Variants in GPR89B observed in about 807,000 individuals in gnomAD.
GPR89B encodes G protein-coupled receptor 89B.
Under a neutral mutation model 52.4 loss-of-function variants are expected in GPR89B, and 25 were observed. That is an observed-to-expected ratio of 0.48 (90% CI 0.35 to 0.67). The LOEUF (loss-of-function observed/expected upper bound fraction) is 0.67. Among genes scored for constraint, GPR89B ranks in the 30% least tolerant of loss-of-function variants. The pLI, the probability that GPR89B is intolerant of heterozygous loss-of-function variation, is 0.01. For synonymous variants in GPR89B, 52 were observed against 151.2 expected, an observed-to-expected ratio of 0.34 and a Z score of 4.81; for missense variants, 146 against 450.2, an observed-to-expected ratio of 0.32 and a Z score of 6.11.
Position 147,954,361 on chromosome 1 carries a change from A to T in GPR89B, c.576A>T (p.Arg192=), listed in dbSNP as rs1655944032. Residue 192 remains arginine (R), a synonymous_variant, in exon 7 of 14, where the codon CGA becomes CGT. Coordinates refer to ENST00000314163, the MANE Select transcript of GPR89B (RefSeq NM_016334.5). ...CGGATATTCTAGCCCTGGAACGGCG[A>T]CTGCTGCAAACCATGGATATGATCA... ...TDTDILALER[R]LLQTMDMIIS... is the part of the protein sequence containing the mutation. 1 of 330,692 alleles carries T rather than the reference A, an allele frequency of 3.0e-6. No individual in the cohort carries two copies. Among genetic ancestry groups the T allele is most frequent in the Admixed American group, 5.5e-5 (1 of 18,148 alleles). 20.5% of individuals were successfully genotyped at this position (330,692 alleles called of 1,614,324 possible).
At chr1:147,985,004 G>A (rs1235948835) in intron 10 of GPR89B, among the ~76,000 whole-genome samples, 1 of 152,130 alleles carries the variant, frequency 6.6e-6, no homozygotes, top group Non-Finnish European at 1.5e-5. Context: ...TGTCAATTAC[G>A]TCAAATTCAT....
At chr1:148,024,983 T>C in the GPR89B span, among the ~76,000 whole-genome samples, 1 of 152,046 alleles carries the variant, frequency 6.6e-6, no homozygotes, top group Middle Eastern at 3.4e-3. Context: ...TTCCTTCACA[T>C]CCTATAGCTG....
At chr1:147,968,491 A>G (rs1487265437) in intron 8 of GPR89B, 1 of 373,024 alleles carries the variant, frequency 2.7e-6, no homozygotes, top group Admixed American at 3.7e-5. Flanking sequence ...CTTTTCTAAC[A>G]TTATATTCAG....
At chr1:147,975,861 T>C (rs1657793636) in intron 10 of GPR89B, among the ~76,000 whole-genome samples, 1 of 152,140 alleles carries the variant, frequency 6.6e-6, no homozygotes, top group South Asian at 2.1e-4. Context: ...GTTGTCTCTT[T>C]GTTCTCATAG....
intron 1 of GPR89B, among the ~76,000 whole-genome samples, chr1:147,935,764 T>C (rs1241953956): frequency 1.2e-4 from 19 of 152,200 alleles, no homozygotes; most frequent in African/African-American, 4.6e-4. Flanking sequence ...AGACAGGGTC[T>C]CACTCTGTTG....
the GPR89B span, among the ~76,000 whole-genome samples, chr1:148,021,198 G>A: frequency 6.6e-6 from 1 of 151,566 alleles, no homozygotes; most frequent in Middle Eastern, 3.4e-3. Context: ...GCGATGGAGT[G>A]CGGCTCAAGA....
downstream of GPR89B, among the ~76,000 whole-genome samples, chr1:147,994,549 C>G (rs1404951155): frequency 6.6e-6 from 1 of 151,878 alleles, no homozygotes; most frequent in Non-Finnish European, 1.5e-5. Flanking sequence ...AATGGGAACC[C>G]CCAGAAGAGC....
the GPR89B span, among the ~76,000 whole-genome samples, chr1:147,998,796 A>T: frequency 6.6e-6 from 1 of 150,648 alleles, no homozygotes; most frequent in African/African-American, 2.4e-5. Flanking sequence ...CAGGAGACTC[A>T]CTTGAACCTG....
intron 7 of GPR89B, among the ~76,000 whole-genome samples, chr1:147,959,260 A>G (rs1234784789): frequency 5.3e-5 from 8 of 152,250 alleles, no homozygotes; most frequent in African/African-American, 1.7e-4. Flanking sequence ...TTAGTTTTCT[A>G]GGACCTCTTT....
At chr1:147,982,355 C>T (rs1443837452) in intron 10 of GPR89B, among the ~76,000 whole-genome samples, 28 of 151,364 alleles carry the variant, frequency 1.8e-4, no homozygotes, top group African/African-American at 2.7e-4. Context: ...CCACTGCGAC[C>T]GGCCTATGTT....
At chr1:147,965,895 G>A (rs1656996945) in intron 7 of GPR89B, among the ~76,000 whole-genome samples, 1 of 151,802 alleles carries the variant, frequency 6.6e-6, no homozygotes, top group South Asian at 2.1e-4. Flanking sequence ...CACCTGGGCT[G>A]GCGTGCAGTG....
At position 147,936,730 on chromosome 1, in the gene GPR89B, G is replaced by T. The variant is rs375347483; in HGVS notation, c.102+44G>T. 9.7e-5 allele frequency: 149 copies of T among 1,542,760 alleles called. No homozygotes were observed. In the African/African-American group the frequency reaches 1.9e-3, roughly 20 times the overall value. On this transcript the variant is annotated intron_variant, in intron 2 of 13. Coordinates refer to ENST00000314163, the MANE Select transcript of GPR89B (RefSeq NM_016334.5). ...GTCATACTTACACTATATGAATTTAGATTGACAAGAAAAATGTCTCCATTA... is the reference window on the plus strand; with the variant it reads ...GTCATACTTACACTATATGAATTTATATTGACAAGAAAAATGTCTCCATTA...
rs1279583876 is a variant in GPR89B, at chr1:147,965,836, T to G, written c.618-718T>G. On this transcript the variant is annotated intron_variant, in intron 7 of 13. Coordinates refer to ENST00000314163, the MANE Select transcript of GPR89B (RefSeq NM_016334.5). Reference sequence around the variant, plus strand: ...TTAGTTAGGTATGTTAGCTGTTTTTTTTTGTTTGTTTGTTTTTGTTTTGTT... The same window carrying G: ...TTAGTTAGGTATGTTAGCTGTTTTTGTTTGTTTGTTTGTTTTTGTTTTGTT... Among the ~76,000 whole-genome samples, 49 of 152,088 alleles carry G rather than the reference T, an allele frequency of 3.2e-4. 1 individual carries two copies. In the South Asian group the frequency reaches 5.4e-3, roughly 17 times the overall value.
the GPR89B span, among the ~76,000 whole-genome samples, chr1:148,021,326 C>CTT: frequency 6.6e-6 from 1 of 151,740 alleles, no homozygotes; most frequent in Admixed American, 6.6e-5. Flanking sequence ...CATGGTGAAA[C>CTT]CCCGTCTCTA....
At chr1:147,991,618 G>A (rs1161307364) in intron 12 of GPR89B, among the ~76,000 whole-genome samples, 5 of 152,178 alleles carry the variant, frequency 3.3e-5, no homozygotes, top group African/African-American at 4.8e-5. Flanking sequence ...TTCGAGATAC[G>A]TCCCATCAAT....
At chr1:147,995,612 T>C, downstream of GPR89B, 1 of 1,609,008 alleles carries the variant, frequency 6.2e-7, no homozygotes, top group Non-Finnish European at 8.5e-7. Flanking sequence ...TTTTGCCATG[T>C]GCGAGTCATG....
At chr1:148,021,441 G>A in the GPR89B span, among the ~76,000 whole-genome samples, 2 of 151,966 alleles carry the variant, frequency 1.3e-5, no homozygotes, top group Admixed American at 6.5e-5. Flanking sequence ...GGCGGAGCTT[G>A]CAGTGAGCCG....
At chr1:148,010,207 T>G in the GPR89B span, 1 of 152,276 alleles carries the variant, frequency 6.6e-6, no homozygotes, top group Non-Finnish European at 1.5e-5. Context: ...CTAAACCTTC[T>G]GTTGTTTGCC....
chr1:147,928,808 C>G (rs1288554145), intron 1 of GPR89B: 4 of 323,088 alleles, frequency 1.2e-5, no homozygotes, highest in African/African-American at 8.9e-5. Context: ...GCATCCATCC[C>G]CGGAATTTCG....
Sources: gnomAD v4.1 joint callset for allele counts (sites outside exome capture counted in the v4.1 genomes callset) on GRCh38, gnomAD v4.1.1 for gene constraint, MANE v1.5 for transcripts, NCBI Gene and HGNC (gene_info 2026-07-23, HGNC 2026-07-21) for gene names.